MAPK10: variants seen among roughly 807,000 people sequenced by gnomAD.
MAPK10 encodes the protein JNK3 alpha protein kinase.
In MAPK10, 25 loss-of-function variants were observed where a neutral mutation model predicts 59.3. The observed-to-expected ratio is 0.42, with a 90% CI of 0.31 to 0.59. MAPK10 has a LOEUF of 0.59. Among genes scored for constraint, MAPK10 ranks in the 20% least tolerant of loss-of-function variants. The probability of loss-of-function intolerance (pLI) is 0.15; values close to 1 mark genes in which losing one functional copy is unlikely to be tolerated. For synonymous variants in MAPK10, 190 were observed against 200.5 expected (o/e 0.95, Z 0.44); for missense variants, 351 against 568.9 (o/e 0.62, Z 3.90).
At chr4:86,583,635 T>C (rs1464909894) in intron 1 of MAPK10, among the ~76,000 whole-genome samples, 1 of 152,220 alleles carries the variant, frequency 6.6e-6, no homozygotes, top group Non-Finnish European at 1.5e-5. Context: ...TTGGATATTG[T>C]TGAGCTACTG....
At chr4:86,372,377 C>A (rs1208828965) in intron 1 of MAPK10, among the ~76,000 whole-genome samples, 1 of 151,794 alleles carries the variant, frequency 6.6e-6, no homozygotes. Context: ...ATTAGCTGGG[C>A]GTGGTGGTGT....
intron 11 of MAPK10, chr4:86,040,998 A>C (rs1445128371): frequency 3.3e-5 from 5 of 152,198 alleles, no homozygotes; most frequent in Non-Finnish European, 7.4e-5. Flanking sequence ...AAAGAAAAGC[A>C]TTCTAATTAG....
chr4:86,503,195 T>C (rs150325525), intron 1 of MAPK10, among the ~76,000 whole-genome samples: 1 of 152,230 alleles, frequency 6.6e-6, no homozygotes, highest in East Asian at 1.9e-4. Context: ...GCAACCACAA[T>C]TTTTCTCATC....
intron 9 of MAPK10, among the ~76,000 whole-genome samples, chr4:86,077,672 G>A (rs2149023354): frequency 6.6e-6 from 1 of 152,164 alleles, no homozygotes; most frequent in South Asian, 2.1e-4. Context: ...CTCTGCTCTA[G>A]GCCTTATATC....
chr4:86,521,882 C>T (rs941700044), intron 1 of MAPK10, among the ~76,000 whole-genome samples: 1 of 152,192 alleles, frequency 6.6e-6, no homozygotes, highest in Admixed American at 6.5e-5. Flanking sequence ...GAAATTATTA[C>T]AAAGTTCAGC....
intron 1 of MAPK10, among the ~76,000 whole-genome samples, chr4:86,519,120 T>G (rs1380128306): frequency 6.6e-6 from 1 of 152,238 alleles, no homozygotes; most frequent in Non-Finnish European, 1.5e-5. Flanking sequence ...TATAAATATC[T>G]GTTAAGTCCA....
intron 10 of MAPK10, chr4:86,064,683 ATCT>A (rs1196669579): frequency 2.4e-5 from 8 of 334,896 alleles, no homozygotes. Context: ...AAGCAAAGTC[ATCT>A]TCTTTGGTAA....
intron 3 of MAPK10, among the ~76,000 whole-genome samples, chr4:86,172,929 AAGG>A (rs1253799732): frequency 6.6e-6 from 1 of 152,016 alleles, no homozygotes; most frequent in Non-Finnish European, 1.5e-5. Flanking sequence ...GGATCTTTTC[AAGG>A]AGAATTACAA....
At chr4:86,550,848 G>C (rs1357562103) in intron 1 of MAPK10, among the ~76,000 whole-genome samples, 1 of 152,124 alleles carries the variant, frequency 6.6e-6, no homozygotes, top group African/African-American at 2.4e-5. Flanking sequence ...AGGCTATTTT[G>C]GTATTATGGC....
chr4:86,192,719 T>C (rs2080239457), intron 3 of MAPK10: 1 of 152,082 alleles, frequency 6.6e-6, no homozygotes, highest in African/African-American at 2.4e-5. Context: ...AGTTAGAACA[T>C]GCTCCTTTAG....
intron 1 of MAPK10, among the ~76,000 whole-genome samples, chr4:86,548,069 C>T (rs1000548911): frequency 6.6e-6 from 1 of 152,168 alleles, no homozygotes; most frequent in Non-Finnish European, 1.5e-5. Context: ...AATCTTGGTT[C>T]TTTCACTCTT....
intron 2 of MAPK10, among the ~76,000 whole-genome samples, chr4:86,219,242 G>A (rs1393696341): frequency 1.3e-5 from 2 of 152,086 alleles, no homozygotes; most frequent in Non-Finnish European, 2.9e-5. Context: ...CCTTTCTGCA[G>A]GCATAATTGG....
chr4:86,548,657 A>C (rs1243208986), intron 1 of MAPK10, among the ~76,000 whole-genome samples: 1 of 152,216 alleles, frequency 6.6e-6, no homozygotes, highest in Admixed American at 6.5e-5. Flanking sequence ...TGTATAGCCC[A>C]TGGAACCATG....
At chr4:86,076,459 G>A (rs1323547891) in intron 9 of MAPK10, among the ~76,000 whole-genome samples, 4 of 152,102 alleles carry the variant, frequency 2.6e-5, no homozygotes, top group Non-Finnish European at 4.4e-5. Flanking sequence ...TAACATAAAC[G>A]AAGACTGGAA....
intron 1 of MAPK10, among the ~76,000 whole-genome samples, chr4:86,396,063 C>A (rs530248990): frequency 3.9e-5 from 6 of 152,176 alleles, no homozygotes; most frequent in African/African-American, 1.2e-4. Context: ...GTAGTGTTTC[C>A]GGCCGGGCGA....
intron 1 of MAPK10, among the ~76,000 whole-genome samples, chr4:86,551,940 T>C (rs573001867): frequency 6.6e-6 from 1 of 152,294 alleles, no homozygotes; most frequent in South Asian, 2.1e-4. Flanking sequence ...TTCTTGCAAC[T>C]ATTTGTTGCC....
chr4:86,143,679 C>T (rs891428000), intron 4 of MAPK10, among the ~76,000 whole-genome samples: 25 of 152,130 alleles, frequency 1.6e-4, no homozygotes, highest in Admixed American at 1.6e-3. Flanking sequence ...AAGCATACAA[C>T]ACAGTATCTG....
At chr4:86,585,516 G>A (rs948175873) in intron 1 of MAPK10, among the ~76,000 whole-genome samples, 4 of 152,166 alleles carry the variant, frequency 2.6e-5, no homozygotes, top group Non-Finnish European at 5.9e-5. Flanking sequence ...AAAGGCCTTG[G>A]CCCAGCATCC....
At chr4:86,463,004 TAAGTA>T in intron 1 of MAPK10, among the ~76,000 whole-genome samples, 2 of 152,332 alleles carry the variant, frequency 1.3e-5, no homozygotes, top group East Asian at 3.9e-4. Flanking sequence ...CAATGGCCAC[TAAGTA>T]AAGAGAAACT....
Sources: gnomAD v4.1 joint callset for allele counts (sites outside exome capture counted in the v4.1 genomes callset) on GRCh38, gnomAD v4.1.1 for gene constraint, MANE v1.5 for transcripts, NCBI Gene and HGNC (gene_info 2026-07-23, HGNC 2026-07-21) for gene names.